Variants in RNF216 observed in about 807,000 individuals in gnomAD.
The protein encoded by RNF216 is ring finger protein 216, also known as E3 ubiquitin-protein ligase RNF216.
A neutral mutation model predicts 110.8 loss-of-function variants in RNF216; 72 were observed. The ratio of observed to expected loss-of-function variants is 0.65; its 90% confidence interval spans 0.54 to 0.79. RNF216 has a LOEUF of 0.79. Among genes scored for constraint, RNF216 ranks in the 30% least tolerant of loss-of-function variants. The pLI is 0.00. For synonymous variants in RNF216, 495 were observed against 407.5 expected, an observed-to-expected ratio of 1.21 and a Z score of -2.59; for missense variants, 1,342 against 1,141.2, an observed-to-expected ratio of 1.18 and a Z score of -2.54.
At chr7:5,738,810 C>A (rs144342243) in intron 5 of RNF216, among the ~76,000 whole-genome samples, 1 of 151,280 alleles carries the variant, frequency 6.6e-6, no homozygotes, top group African/African-American at 2.4e-5. Context: ...GTCTTAACAT[C>A]TTGACTAAAA....
At chr7:5,770,173 T>C (rs981483674) in intron 1 of RNF216, among the ~76,000 whole-genome samples, 1 of 149,948 alleles carries the variant, frequency 6.7e-6, no homozygotes, top group African/African-American at 2.5e-5. Flanking sequence ...TCAAACAAGA[T>C]TACTTGGGCT....
intron 2 of RNF216, among the ~76,000 whole-genome samples, chr7:5,757,891 A>G (rs1795729841): frequency 6.6e-6 from 1 of 152,360 alleles, no homozygotes; most frequent in African/African-American, 2.4e-5. Context: ...GCAGTGGCTC[A>G]CACCTGTAAT....
chr7:5,648,599 G>T (rs973995681), intron 14 of RNF216, among the ~76,000 whole-genome samples: 1 of 151,660 alleles, frequency 6.6e-6, no homozygotes, highest in Non-Finnish European at 1.5e-5. Context: ...ATGGTGGCGG[G>T]CACTCATAGT....
chr7:5,745,893 T>TAA (rs55943759), intron 3 of RNF216, among the ~76,000 whole-genome samples: 23,070 of 129,886 alleles, frequency 0.18, 2,577 homozygotes, highest in Middle Eastern at 0.3. Context: ...GAGACTGTCT[T>TAA]AAAAAAAAAA....
intron 13 of RNF216, among the ~76,000 whole-genome samples, chr7:5,668,835 C>T (rs565592881): frequency 6.6e-5 from 10 of 152,260 alleles, no homozygotes; most frequent in South Asian, 2.1e-4. Flanking sequence ...GTTCTAGTCA[C>T]GGTGTATCTT....
At chr7:5,734,608 C>CTTTCCTCATTGTAGGG (rs201100224) in intron 5 of RNF216, among the ~76,000 whole-genome samples, 1 of 136,944 alleles carries the variant, frequency 7.3e-6, no homozygotes, top group Non-Finnish European at 1.5e-5. Flanking sequence ...AAATGGCTTT[C>CTTTCCTCATTGTAGGG]AAGGTTAAAT....
intron 14 of RNF216, among the ~76,000 whole-genome samples, chr7:5,645,342 C>G (rs1201459510): frequency 6.6e-6 from 1 of 152,150 alleles, no homozygotes. Flanking sequence ...TTGCTCTCTG[C>G]TCTTCTTTGG....
chr7:5,673,494 G>A (rs1170613210), intron 13 of RNF216, among the ~76,000 whole-genome samples: 1 of 152,206 alleles, frequency 6.6e-6, no homozygotes, highest in Admixed American at 6.5e-5. Flanking sequence ...TCCAACTGGG[G>A]GTGATGTGAA....
At chr7:5,650,875 G>A (rs186075477) in intron 14 of RNF216, among the ~76,000 whole-genome samples, 1 of 152,148 alleles carries the variant, frequency 6.6e-6, no homozygotes, top group Non-Finnish European at 1.5e-5. Flanking sequence ...GTACCCACCT[G>A]TGCTGCATAC....
intron 12 of RNF216, 188 bp from the exon 13 acceptor site, chr7:5,712,027 A>C (rs1000638308): frequency 1.5e-5 from 9 of 586,460 alleles, no homozygotes; most frequent in Non-Finnish European, 2.4e-5. Flanking sequence ...CAGGAAACAT[A>C]AGCACCACAT....
intron 13 of RNF216, among the ~76,000 whole-genome samples, chr7:5,672,581 A>G (rs1562811858): frequency 6.6e-6 from 1 of 152,180 alleles, no homozygotes; most frequent in Non-Finnish European, 1.5e-5. Context: ...GAATTCATAA[A>G]ACACATGTTG....
intron 3 of RNF216, among the ~76,000 whole-genome samples, chr7:5,743,048 G>A (rs1794849212): frequency 6.6e-6 from 1 of 152,090 alleles, no homozygotes; most frequent in African/African-American, 2.4e-5. Context: ...GGATCACGAG[G>A]TCAGGAGATC....
chr7:5,657,157 C>A (rs1788797782), intron 13 of RNF216, among the ~76,000 whole-genome samples: 1 of 152,258 alleles, frequency 6.6e-6, no homozygotes, highest in Non-Finnish European at 1.5e-5. Context: ...TACAGTGAAA[C>A]CTGTCAACTC....
At chr7:5,764,059 CA>C (rs1451953895) in intron 1 of RNF216, among the ~76,000 whole-genome samples, 1 of 151,862 alleles carries the variant, frequency 6.6e-6, no homozygotes, top group Non-Finnish European at 1.5e-5. Context: ...GATGTGGTGG[CA>C]GGTGCCTGTA....
intron 13 of RNF216, among the ~76,000 whole-genome samples, chr7:5,710,738 C>T (rs1474129194): frequency 6.6e-6 from 1 of 152,194 alleles, no homozygotes; most frequent in Non-Finnish European, 1.5e-5. Flanking sequence ...CTCCACTCCA[C>T]TCCCACCCTT....
chr7:5,747,797 A>T (rs142270559), intron 3 of RNF216, among the ~76,000 whole-genome samples: 2,196 of 150,018 alleles, frequency 0.015, 32 homozygotes, highest in Non-Finnish European at 0.025. Flanking sequence ...AAGAAAAAAT[A>T]AATAATAACT....
intron 13 of RNF216, among the ~76,000 whole-genome samples, chr7:5,706,144 C>G (rs908553320): frequency 1.4e-5 from 2 of 147,844 alleles, no homozygotes; most frequent in Admixed American, 6.9e-5. Flanking sequence ...CGCTTGCACC[C>G]GGAAGGTGGA....
At chr7:5,703,742 T>C (rs1015334794) in intron 13 of RNF216, among the ~76,000 whole-genome samples, 1 of 152,226 alleles carries the variant, frequency 6.6e-6, no homozygotes, top group African/African-American at 2.4e-5. Flanking sequence ...GTTCTTCAGT[T>C]ACTCTGATTA....
At chr7:5,687,941 G>C (rs913203939) in intron 13 of RNF216, among the ~76,000 whole-genome samples, 2 of 152,194 alleles carry the variant, frequency 1.3e-5, no homozygotes, top group African/African-American at 4.8e-5. Flanking sequence ...CAGAATCCCG[G>C]ACTGTCATGC....
Sources: allele counts gnomAD v4.1 joint callset (sites outside exome capture counted in the v4.1 genomes callset), GRCh38; gene constraint gnomAD v4.1.1; transcripts MANE v1.5; gene names NCBI Gene and HGNC (gene_info 2026-07-23, HGNC 2026-07-21).